Variants in SPATC1 observed in about 807,000 individuals in gnomAD.
SPATC1 encodes spermatogenesis and centriole associated 1, also known as speriolin.
Under a neutral mutation model 36.5 loss-of-function variants are expected in SPATC1, and 35 were observed. That is an observed-to-expected ratio of 0.96 (90% CI 0.73 to 1.27). The LOEUF (loss-of-function observed/expected upper bound fraction) is 1.27, where lower values mean the gene tolerates loss of function less well. Among genes scored for constraint, SPATC1 ranks in the 50% most tolerant of loss-of-function variants. The pLI, the probability that SPATC1 is intolerant of heterozygous loss-of-function variation, is 0.00. For missense variants in SPATC1, 779 were observed against 796.0 expected (o/e 0.98, Z 0.26); for synonymous variants, 361 against 353.6 (o/e 1.02, Z -0.24).
chr8:144,035,639 G>A (rs1011883009), intron 1 of SPATC1, among the ~76,000 whole-genome samples: 8 of 152,362 alleles, frequency 5.3e-5, no homozygotes, highest in Admixed American at 5.2e-4. Flanking sequence ...CTGGGGACGA[G>A]ACCATGGCCT....
rs1045119314 is a variant in SPATC1 at position 144,030,347 on chromosome 8, G to A, written c.212-9562G>A. On this transcript the variant is annotated intron_variant, in intron 1 of 4. Transcript: ENST00000377470. ...AAAGCACTATTTCTGCCACATTGCT[G>A]TGTATGTATGTATGTATGTATGTAT... 8.4e-4 allele frequency among the ~76,000 whole-genome samples: 128 copies of A among 151,852 alleles called. 1 individual carries two copies. The highest frequency in any genetic ancestry group is 3.4e-3 in the Middle Eastern group (1 of 290).
chr8:144,041,043 C>G lies in SPATC1; in HGVS notation c.1242C>G (p.Ser414Arg), dbSNP rs1386747714. 1 of 1,608,512 alleles carries G rather than the reference C, an allele frequency of 6.2e-7. No homozygotes were observed. The highest frequency in any genetic ancestry group is 1.3e-5 in the African/African-American group (1 of 74,854). ...GCACCACAGAACCGTCGACGAAGAG[C>G]ATGATGGAGGTGGAACGGAAGCTGG... ...GPRTTEPSTK[S>R]MMEVERKLAH... is the part of the protein sequence containing the mutation. The change falls in exon 3 of 5, where the codon AGC (serine) becomes AGG (arginine). Residue 414 changes from serine to arginine, a missense_variant. Transcript: ENST00000377470.
At chr8:144,028,210 T>C (rs1320202755) in intron 1 of SPATC1, among the ~76,000 whole-genome samples, 1 of 151,488 alleles carries the variant, frequency 6.6e-6, no homozygotes, top group Non-Finnish European at 1.5e-5. Flanking sequence ...ACACATGAGA[T>C]CTAACTAAAC....
rs920737078 is a variant in SPATC1, at chr8:144,028,406, G to A, written c.212-11503G>A. Reference sequence around the variant, plus strand: ...AAGTGGGCAAAGGACATGAACAGGCGCTTCTCAAAAGAAGACATTCAAGCA... The same window carrying A: ...AAGTGGGCAAAGGACATGAACAGGCACTTCTCAAAAGAAGACATTCAAGCA... On this transcript the variant is annotated intron_variant, in intron 1 of 4. Transcript: ENST00000377470. Among the ~76,000 whole-genome samples the A allele has an allele frequency of 6.4e-3, 977 of 151,510 alleles. 6 individuals carry two copies. Among genetic ancestry groups the A allele is most frequent in the African/African-American group, 0.022 (919 of 41,296 alleles).
Position 144,012,573 on chromosome 8 carries a change from G to A in SPATC1, c.58G>A (p.Glu20Lys). The change falls in exon 1 of 5, where the codon GAA (glutamate) becomes AAA (lysine). Residue 20 changes from glutamate to lysine, a missense_variant. Glu to Lys is a moderately conservative substitution (Grantham distance 56, BLOSUM62 1). Transcript: ENST00000377470. ...GCATCAGATAGAGAGGCTGGTGCGG[G>A]AAAATGAGGAACTGAAGAAGTTGGT... ...LRHQIERLVR[E>K]NEELKKLVRL... is the part of the protein sequence containing the mutation. The A allele has an allele frequency of 1.3e-6, 2 of 1,551,748 alleles. No individual in the cohort carries two copies. Among genetic ancestry groups the A allele is most frequent in the Non-Finnish European group, 1.7e-6 (2 of 1,147,000 alleles).
At chr8:144,019,159 C>A (rs1261069987) in intron 1 of SPATC1, among the ~76,000 whole-genome samples, 1 of 152,026 alleles carries the variant, frequency 6.6e-6, no homozygotes, top group Non-Finnish European at 1.5e-5. Context: ...GCAAAGGCAG[C>A]AGCCATCAAT....
chr8:144,046,816 G>A lies in SPATC1; in HGVS notation c.1636G>A (p.Gly546Ser). 6.2e-7 allele frequency: 1 copy of A among 1,605,118 alleles called. No homozygotes were observed. The stretch of plus-strand genomic sequence containing the variant: ...GCGCCCGGAGCTGGCGGCGTCTGAG[G>A]GCGGCCCCTACACCGTGGACTTCCT... ...RERPELAASE[G>S]GPYTVDFLQR... is the part of the protein sequence containing the mutation. Residue 546 changes from glycine to serine, a missense_variant, in exon 5 of 5, where the codon GGC (glycine) becomes AGC (serine). Coordinates refer to ENST00000377470, the MANE Select transcript of SPATC1 (RefSeq NM_198572.3). This position sits in a 1 kb window ranked among gnomAD's most constrained non-coding sequence, Gnocchi z 6.6.
intron 1 of SPATC1, among the ~76,000 whole-genome samples, chr8:144,025,753 G>A (rs1406292736): frequency 1.3e-5 from 2 of 152,146 alleles, no homozygotes; most frequent in Admixed American, 6.5e-5. Flanking sequence ...CTGATGGGTC[G>A]TAGACTGAGG....
At position 144,012,773 on chromosome 8, in the gene SPATC1, C is replaced by T. The variant is rs782013347; in HGVS notation, c.211+47C>T. 2.6e-6 allele frequency: 4 copies of T among 1,540,264 alleles called. No homozygotes were observed. In the South Asian group the frequency reaches 4.8e-5, roughly 18 times the overall value. On this transcript the variant is annotated intron_variant, in intron 1 of 4. Transcript: ENST00000377470. Reference sequence around the variant, plus strand: ...AGAGTGAGGAGGGAAGTGGGGACTGCACCAGAGAGGAGAGACTCAGTGTGC... The same window carrying T: ...AGAGTGAGGAGGGAAGTGGGGACTGTACCAGAGAGGAGAGACTCAGTGTGC...
intron 4 of SPATC1, chr8:144,041,853 G>C: frequency 1.5e-6 from 1 of 652,062 alleles, no homozygotes; most frequent in Non-Finnish European, 1.9e-6. Context: ...TTTATCTGTG[G>C]ATTGCAGGCC....
At chr8:144,023,114 T>TC (rs1834579817) in intron 1 of SPATC1, among the ~76,000 whole-genome samples, 4 of 32,896 alleles carry the variant, frequency 1.2e-4, no homozygotes, top group African/African-American at 5.4e-4. Context: ...TCAGGACTCC[T>TC]TTCCCTCAGG....
Position 144,046,521 on chromosome 8 carries a change from G to A in SPATC1, c.1447-106G>A, listed in dbSNP as rs573939201. The A allele has an allele frequency of 1.4e-5, 15 of 1,077,432 alleles. No individual in the cohort carries two copies. In the South Asian group the frequency reaches 1.5e-4, roughly 11 times the overall value. The allele number at this position is 1,077,432 out of a possible 1,614,324, so 66.7% of individuals were successfully genotyped here. A position where few individuals can be genotyped will look rare whatever the true frequency, so the allele number is the denominator to read the frequency against. ...AGAACCTCCCCACCGCACACCCCTC[G>A]GATCCTGGCCATCTCACAGCCTCAC... On this transcript the variant is annotated intron_variant, in intron 4 of 4. Transcript: ENST00000377470. This position sits in a 1 kb window ranked among gnomAD's most constrained non-coding sequence, Gnocchi z 6.6.
rs75130868 is a variant in SPATC1, at chr8:144,040,480, G to A, written c.766+17G>A. On this transcript the variant is annotated intron_variant, in intron 2 of 4. Coordinates refer to ENST00000377470, the MANE Select transcript of SPATC1 (RefSeq NM_198572.3). ...CCACCAAAGGTAACAGGTGTGGTGG[G>A]TGGTGGGTGGCAGAGTGGGGGGGGG... 13,729 of 1,573,790 alleles carry A rather than the reference G, an allele frequency of 8.7e-3. 86 individuals are homozygous for A. Among genetic ancestry groups the A allele is most frequent in the Non-Finnish European group, 0.01 (11,987 of 1,160,004 alleles).
In SPATC1 at chr8:144,012,525, C is replaced by T. The variant is rs1417059050; in HGVS notation, c.10C>T (p.Leu4Phe). The stretch of plus-strand genomic sequence containing the variant: ...GCCACTGCCCCAGGGCATGTCTCTA[C>T]TCACCAATTATGAAGGGCTTCGGCA... The part of the protein sequence containing the change: MSL[L>F]TNYEGLRHQI... The change falls in exon 1 of 5, where the codon CTC (leucine) becomes TTC (phenylalanine). Residue 4 changes from leucine (L) to phenylalanine (F), a missense_variant. Transcript: ENST00000377470. The T allele has an allele frequency of 1.3e-6, 2 of 1,551,770 alleles. No homozygotes were observed. Among genetic ancestry groups the T allele is most frequent in the East Asian group, 2.4e-5 (1 of 40,910 alleles).
Position 144,046,036 on chromosome 8 carries a change from A to G in SPATC1, c.1447-591A>G, listed in dbSNP as rs1379883948. Among the ~76,000 whole-genome samples, 1 of 152,150 alleles carries G rather than the reference A, an allele frequency of 6.6e-6. No homozygotes were observed. Among genetic ancestry groups the G allele is most frequent in the African/African-American group, 2.4e-5 (1 of 41,430 alleles). On this transcript the variant is annotated intron_variant, in intron 4 of 4. Transcript: ENST00000377470. The surrounding 1 kb of genome is among the most constrained non-coding windows in gnomAD (Gnocchi z 6.6). Reference sequence around the variant, plus strand: ...TGGCCCCAGGCCCAGGAGGACGCAGATGGAGACAGGCCCCTCAGCGCTGGG... The same window carrying G: ...TGGCCCCAGGCCCAGGAGGACGCAGGTGGAGACAGGCCCCTCAGCGCTGGG...
intron 1 of SPATC1, among the ~76,000 whole-genome samples, chr8:144,025,584 C>T (rs996079016): frequency 3.9e-5 from 6 of 152,072 alleles, no homozygotes; most frequent in Admixed American, 6.5e-5. Context: ...GAATATCATG[C>T]GACGGGACTG....
chr8:144,028,039 T>C (rs1266955238), intron 1 of SPATC1, among the ~76,000 whole-genome samples: 2 of 151,942 alleles, frequency 1.3e-5, no homozygotes, highest in Non-Finnish European at 2.9e-5. Context: ...CCTTAAACCT[T>C]ACACAAAAAT....
In SPATC1 at chr8:144,042,284, A is replaced by AACATAT. The variant is rs1475095587; in HGVS notation, c.1446+914_1446+915insCATATA. On this transcript the variant is annotated intron_variant, in intron 4 of 4. Coordinates refer to ENST00000377470, the MANE Select transcript of SPATC1 (RefSeq NM_198572.3). ...CAGGTTTACGCCACCACGCCCAGCT[A>AACATAT]ATATATATATATATATATATATATA... 2.7e-3 allele frequency among the ~76,000 whole-genome samples: 97 copies of AACATAT among 36,294 alleles called. 6 individuals carry two copies. Among genetic ancestry groups the AACATAT allele is most frequent in the African/African-American group, 0.014 (90 of 6,212 alleles). The allele number at this position is 36,294 out of a possible 152,430, so 23.8% of individuals were successfully genotyped here. A position where few individuals can be genotyped will look rare whatever the true frequency, so the allele number is the denominator to read the frequency against.
intron 1 of SPATC1, among the ~76,000 whole-genome samples, chr8:144,025,803 G>A (rs1224073762): frequency 1.3e-5 from 2 of 152,178 alleles, no homozygotes; most frequent in Admixed American, 6.6e-5. Flanking sequence ...CTCATGGTCT[G>A]TGCCTGCAGA....
Sources: allele counts gnomAD v4.1 joint callset (sites outside exome capture counted in the v4.1 genomes callset), GRCh38; gene constraint gnomAD v4.1.1; non-coding constraint Gnocchi (gnomAD v3.1); transcripts MANE v1.5; gene names NCBI Gene and HGNC (gene_info 2026-07-23, HGNC 2026-07-21).